CSMD1: variants seen among roughly 807,000 people sequenced by gnomAD.
CSMD1 encodes the protein CUB and Sushi multiple domains 1, also known as CUB and sushi domain-containing protein 1.
A neutral mutation model predicts 417.5 loss-of-function variants in CSMD1; 213 were observed. The observed-to-expected ratio is 0.51, with a 90% CI of 0.46 to 0.57. The LOEUF (loss-of-function observed/expected upper bound fraction) is 0.57, where lower values mean the gene tolerates loss of function less well. CSMD1 is among the 20% of genes least tolerant of loss of function. The pLI is 0.00. For missense variants in CSMD1, 6,923 were observed against 4,529.7 expected (o/e 1.53, Z -15.17); for synonymous variants, 2,862 against 1,736.8 (o/e 1.65, Z -16.11).
intron 3 of CSMD1, among the ~76,000 whole-genome samples, chr8:4,036,636 A>G (rs1257445164): frequency 6.6e-6 from 1 of 152,268 alleles, no homozygotes; most frequent in Non-Finnish European, 1.5e-5. Context: ...ATGTCAAAGA[A>G]AAAACTAGAC....
chr8:4,804,094 C>T (rs181208972), intron 1 of CSMD1, among the ~76,000 whole-genome samples: 146 of 152,268 alleles, frequency 9.6e-4, no homozygotes, highest in African/African-American at 3.3e-3. Context: ...ATTTGTTCAA[C>T]CATTAAAATT....
chr8:3,104,794 A>G (rs1816013747), intron 46 of CSMD1, among the ~76,000 whole-genome samples: 1 of 142,986 alleles, frequency 7.0e-6, no homozygotes, highest in South Asian at 2.2e-4. Context: ...TGCAACCTCC[A>G]CCTCCTGGGT....
chr8:4,665,027 AT>A (rs1173835846), intron 1 of CSMD1, among the ~76,000 whole-genome samples: 3 of 152,236 alleles, frequency 2.0e-5, no homozygotes, highest in African/African-American at 7.2e-5. Context: ...AAATATTTTA[AT>A]TTTCAAACTG....
chr8:2,991,960 G>A lies in CSMD1; in HGVS notation c.8377+6051C>T, dbSNP rs139982709. Among the ~76,000 whole-genome samples, 84 of 152,302 alleles carry A rather than the reference G, an allele frequency of 5.5e-4. No homozygotes were observed. The East Asian group carries it at 0.014, about 26-fold the overall frequency. On this transcript the variant is annotated intron_variant, in intron 54 of 69. Transcript: ENST00000635120. ...ATTTCCTACTCTACTGTCAAGTACA[G>A]ATGCTTAAAAATATGTTAAATCAGT...
intron 5 of CSMD1, among the ~76,000 whole-genome samples, chr8:3,921,366 C>G (rs2948648): frequency 0.44 from 66,209 of 151,704 alleles, 14,840 homozygotes; most frequent in East Asian, 0.73. Context: ...TTTCATTTTT[C>G]TTTAAATTGT....
chr8:4,876,860 T>C (rs749467279), intron 1 of CSMD1, among the ~76,000 whole-genome samples: 5 of 152,034 alleles, frequency 3.3e-5, no homozygotes, highest in African/African-American at 1.2e-4. Flanking sequence ...TTTCACAACA[T>C]TGTAGGTAAG....
At chr8:4,656,420 G>A (rs1032205466) in intron 1 of CSMD1, among the ~76,000 whole-genome samples, 9 of 151,980 alleles carry the variant, frequency 5.9e-5, no homozygotes, top group Admixed American at 5.2e-4. Context: ...AAGGACTAAT[G>A]TATCATTATA....
intron 1 of CSMD1, among the ~76,000 whole-genome samples, chr8:4,657,753 G>T (rs1021413654): frequency 6.7e-6 from 1 of 148,292 alleles, no homozygotes; most frequent in Non-Finnish European, 1.5e-5. Context: ...GAAAAAGCAC[G>T]GACATTTGAA....
intron 5 of CSMD1, among the ~76,000 whole-genome samples, chr8:3,923,589 C>T (rs1413872450): frequency 6.6e-6 from 1 of 152,120 alleles, no homozygotes; most frequent in Non-Finnish European, 1.5e-5. Context: ...TTAACATACT[C>T]ATCACCTCAT....
intron 49 of CSMD1, among the ~76,000 whole-genome samples, chr8:3,071,709 A>G (rs915831325): frequency 2.0e-5 from 3 of 152,208 alleles, no homozygotes; most frequent in African/African-American, 7.2e-5. Flanking sequence ...ACTACCATTC[A>G]TCAACACCAT....
intron 10 of CSMD1, among the ~76,000 whole-genome samples, chr8:3,568,501 T>C (rs1463088793): frequency 6.6e-6 from 1 of 152,208 alleles, no homozygotes; most frequent in Non-Finnish European, 1.5e-5. Context: ...TTTAATGAGC[T>C]TTAATAGCAA....
chr8:4,840,394 A>G (rs1369312050), intron 1 of CSMD1, among the ~76,000 whole-genome samples: 1 of 152,222 alleles, frequency 6.6e-6, no homozygotes, highest in African/African-American at 2.4e-5. Context: ...ACTAATGTTG[A>G]ACATATGTCG....
chr8:4,329,642 G>A (rs529057508), intron 3 of CSMD1, among the ~76,000 whole-genome samples: 3 of 152,026 alleles, frequency 2.0e-5, no homozygotes, highest in Non-Finnish European at 4.4e-5. Context: ...AAACCTCAGT[G>A]ATATCGTTTG....
In CSMD1 at chr8:3,646,142, G is replaced by C. The variant is rs186370087; in HGVS notation, c.1010-29345C>G. Among the ~76,000 whole-genome samples, 18 of 151,332 alleles carry C rather than the reference G, an allele frequency of 1.2e-4. No homozygotes were observed. In the East Asian group the frequency reaches 3.1e-3, roughly 26 times the overall value. ...CTTTTGAAGAATGCTTATTAACACT[G>C]AAAAATTCACAATATATAAAATGAA... is the stretch of plus-strand genomic sequence containing the variant. On this transcript the variant is annotated intron_variant, in intron 7 of 69. Transcript: ENST00000635120.
At chr8:4,128,480 A>G (rs1039921367) in intron 3 of CSMD1, among the ~76,000 whole-genome samples, 2 of 152,310 alleles carry the variant, frequency 1.3e-5, no homozygotes, top group Non-Finnish European at 2.9e-5. Context: ...TCCAAGGTTT[A>G]AAATTTAAAA....
At chr8:3,715,771 G>T (rs1801796114) in intron 6 of CSMD1, among the ~76,000 whole-genome samples, 1 of 152,110 alleles carries the variant, frequency 6.6e-6, no homozygotes, top group African/African-American at 2.4e-5. Flanking sequence ...TCAAACTCCC[G>T]ACCTCATGTG....
At chr8:3,193,141 G>A (rs1248819862) in intron 33 of CSMD1, among the ~76,000 whole-genome samples, 1 of 152,096 alleles carries the variant, frequency 6.6e-6, no homozygotes, top group African/African-American at 2.4e-5. Context: ...ATATTTGAGA[G>A]CTATGCAAAC....
At chr8:3,293,964 C>T (rs1469365714) in intron 25 of CSMD1, among the ~76,000 whole-genome samples, 1 of 152,068 alleles carries the variant, frequency 6.6e-6, no homozygotes, top group Non-Finnish European at 1.5e-5. Context: ...GTTTTATCTA[C>T]CTTTGGTCTT....
rs76406770 is a variant in CSMD1, at chr8:4,314,810, A to G, written c.415+105143T>C. Among the ~76,000 whole-genome samples, 70 of 152,338 alleles carry G rather than the reference A, an allele frequency of 4.6e-4. 1 individual carries two copies. The East Asian group carries it at 0.013, about 28-fold the overall frequency. On this transcript the variant is annotated intron_variant, in intron 3 of 69. Transcript: ENST00000635120. ...TTCAGCATTTATGAATAAAGACCAC[A>G]GGAAAAGGGCAAAGGATTTTGTAAG... is the stretch of plus-strand genomic sequence containing the variant.
Sources: allele counts gnomAD v4.1 joint callset (sites outside exome capture counted in the v4.1 genomes callset), GRCh38; gene constraint gnomAD v4.1.1; transcripts MANE v1.5; gene names NCBI Gene and HGNC (gene_info 2026-07-23, HGNC 2026-07-21).